PACSIN2: variants seen among roughly 807,000 people sequenced by gnomAD.
The protein encoded by PACSIN2 is protein kinase C and casein kinase substrate in neurons protein 2.
A neutral mutation model predicts 63.8 loss-of-function variants in PACSIN2; 25 were observed. The observed-to-expected ratio is 0.39, with a 90% CI of 0.29 to 0.55. The LOEUF (loss-of-function observed/expected upper bound fraction) is 0.55, where lower values mean the gene tolerates loss of function less well. Among genes scored for constraint, PACSIN2 ranks in the 20% least tolerant of loss-of-function variants. The pLI is 0.62. For missense variants in PACSIN2, 518 were observed against 646.9 expected (o/e 0.80, Z 2.16); for synonymous variants, 255 against 256.2 (o/e 1.00, Z 0.05).
At chr22:42,935,074 C>T (rs1394326275) in intron 1 of PACSIN2, among the ~76,000 whole-genome samples, 2 of 151,454 alleles carry the variant, frequency 1.3e-5, no homozygotes, top group African/African-American at 4.9e-5. Flanking sequence ...CGCCACCGCG[C>T]CCGGCTAATT....
chr22:42,879,855 T>A (rs1464703738), intron 7 of PACSIN2, among the ~76,000 whole-genome samples: 1 of 152,140 alleles, frequency 6.6e-6, no homozygotes, highest in African/African-American at 2.4e-5. Context: ...CGCAGGGCCC[T>A]CCCCAGTGTT....
At chr22:42,876,651 C>T (rs1928655555) in intron 9 of PACSIN2, among the ~76,000 whole-genome samples, 1 of 152,222 alleles carries the variant, frequency 6.6e-6, no homozygotes, top group South Asian at 2.1e-4. Flanking sequence ...GAAGGGTTAA[C>T]AGAGGACAGA....
intron 1 of PACSIN2, among the ~76,000 whole-genome samples, chr22:42,963,010 G>A (rs1920928396): frequency 6.6e-6 from 1 of 152,190 alleles, no homozygotes; most frequent in African/African-American, 2.4e-5. Flanking sequence ...CACTCTTTAG[G>A]TGATGCTGGG....
At chr22:42,963,303 G>T (rs1042131836) in intron 1 of PACSIN2, among the ~76,000 whole-genome samples, 1 of 152,208 alleles carries the variant, frequency 6.6e-6, no homozygotes, top group Admixed American at 6.5e-5. Context: ...CTCAAACCAT[G>T]TGGATTAAGG....
At chr22:42,963,367 G>A (rs1295250188) in intron 1 of PACSIN2, among the ~76,000 whole-genome samples, 5 of 152,132 alleles carry the variant, frequency 3.3e-5, no homozygotes, top group East Asian at 3.9e-4. Context: ...GACCAGCAGC[G>A]CCACCCATCA....
Position 42,913,181 on chromosome 22 carries a change from G to A in PACSIN2, c.-77-1024C>T, listed in dbSNP as rs545181242. 3.3e-5 allele frequency among the ~76,000 whole-genome samples: 5 copies of A among 152,178 alleles called. No homozygotes were observed. In the East Asian group the frequency reaches 9.7e-4, roughly 29 times the overall value. On this transcript the variant is annotated intron_variant, in intron 1 of 10. Coordinates refer to ENST00000263246, the MANE Select transcript of PACSIN2 (RefSeq NM_001184970.3). ...TCTCTGTGCCTCGCTTGCCTTATCT[G>A]GAAAAAAGAGACAATAGGCCGGGCA...
chr22:42,908,246 C>T lies in PACSIN2; in HGVS notation c.60+3775G>A, dbSNP rs75676702. On this transcript the variant is annotated intron_variant, in intron 2 of 10. Coordinates refer to ENST00000263246, the MANE Select transcript of PACSIN2 (RefSeq NM_001184970.3). ...GAGCTTTTGTTGAGGCAGACTCAGG[C>T]TCCAGTTCCTAAAATAAGTGGCGTC... Among the ~76,000 whole-genome samples, 568 of 152,338 alleles carry T rather than the reference C, an allele frequency of 3.7e-3. 2 individuals carry two copies. The highest frequency in any genetic ancestry group is 7.0e-3 in the Non-Finnish European group (477 of 68,024).
At chr22:42,891,224 A>G in intron 3 of PACSIN2, 42 bp from the exon 4 acceptor site, 3 of 1,397,764 alleles carry the variant, frequency 2.1e-6, no homozygotes, top group Non-Finnish European at 3.0e-6. Context: ...AGCGCCGGCC[A>G]TGGTGGGGTC....
intron 1 of PACSIN2, among the ~76,000 whole-genome samples, chr22:42,984,409 C>A (rs1922464207): frequency 6.6e-6 from 1 of 152,190 alleles, no homozygotes; most frequent in Admixed American, 6.5e-5. Flanking sequence ...GGAAGAAATG[C>A]TCTAGGCCCT....
intron 1 of PACSIN2, among the ~76,000 whole-genome samples, chr22:42,961,421 G>C (rs896849473): frequency 1.4e-5 from 2 of 139,606 alleles, no homozygotes; most frequent in Non-Finnish European, 3.0e-5. Context: ...ATCCCCCTCT[G>C]TGAGAAACAC....
intron 1 of PACSIN2, among the ~76,000 whole-genome samples, chr22:42,976,427 C>T (rs1364908521): frequency 6.6e-6 from 1 of 152,094 alleles, no homozygotes; most frequent in Non-Finnish European, 1.5e-5. Flanking sequence ...AGACTGGCTC[C>T]TCTCCCCAAA....
intron 1 of PACSIN2, among the ~76,000 whole-genome samples, chr22:42,991,884 C>T (rs566696958): frequency 4.4e-4 from 66 of 150,774 alleles, no homozygotes; most frequent in African/African-American, 1.5e-3. Context: ...GATCACAGGC[C>T]TAAATGTAAA....
intron 4 of PACSIN2, among the ~76,000 whole-genome samples, chr22:42,890,117 T>G (rs1929796882): frequency 6.6e-6 from 1 of 150,682 alleles, no homozygotes; most frequent in Non-Finnish European, 1.5e-5. Context: ...TTCTCCTCCC[T>G]CAGCCTCCTG....
chr22:42,892,536 G>A (rs189615389), intron 3 of PACSIN2, among the ~76,000 whole-genome samples: 76 of 152,342 alleles, frequency 5.0e-4, no homozygotes, highest in Admixed American at 4.7e-3. Flanking sequence ...TTGATCCTGG[G>A]AGAGGGGCTG....
At chr22:42,912,279 T>C in intron 1 of PACSIN2, 122 bp from the exon 2 acceptor site, 1 of 527,320 alleles carries the variant, frequency 1.9e-6, no homozygotes. Context: ...GTCTATAATA[T>C]TTCCTTTAGG....
At chr22:42,916,813 G>A (rs867483059) in intron 1 of PACSIN2, among the ~76,000 whole-genome samples, 1 of 152,168 alleles carries the variant, frequency 6.6e-6, no homozygotes, top group Non-Finnish European at 1.5e-5. Context: ...CAGCAGTGAC[G>A]AAGTCACCTG....
intron 1 of PACSIN2, among the ~76,000 whole-genome samples, chr22:42,919,089 G>T (rs1931996032): frequency 6.6e-6 from 1 of 152,172 alleles, no homozygotes; most frequent in South Asian, 2.1e-4. Context: ...CAGTGCTGGA[G>T]CCTTTGGAAA....
chr22:42,905,014 T>C (rs1423999786), intron 2 of PACSIN2, among the ~76,000 whole-genome samples: 1 of 152,170 alleles, frequency 6.6e-6, no homozygotes, highest in African/African-American at 2.4e-5. Context: ...AAAGGAAAAA[T>C]GTGTCTCTTA....
intron 1 of PACSIN2, among the ~76,000 whole-genome samples, chr22:43,004,662 C>G (rs1923977431): frequency 6.6e-6 from 1 of 152,226 alleles, no homozygotes; most frequent in Admixed American, 6.5e-5. Context: ...CAGTTTAAAA[C>G]ATGAAAATGC....
Sources: gnomAD v4.1 joint callset for allele counts (sites outside exome capture counted in the v4.1 genomes callset) on GRCh38, gnomAD v4.1.1 for gene constraint, MANE v1.5 for transcripts, NCBI Gene and HGNC (gene_info 2026-07-23, HGNC 2026-07-21) for gene names.